RXFP1: variants seen among roughly 807,000 people sequenced by gnomAD.
The protein encoded by RXFP1 is relaxin family peptide receptor 1, also known as relaxin receptor 1.
Under a neutral mutation model 89.8 loss-of-function variants are expected in RXFP1, and 73 were observed. That is an observed-to-expected ratio of 0.81 (90% CI 0.67 to 0.99). The LOEUF (loss-of-function observed/expected upper bound fraction) is 0.99, where lower values mean the gene tolerates loss of function less well. RXFP1 is among the 50% of genes least tolerant of loss of function. The probability of loss-of-function intolerance (pLI) is 0.00; values close to 1 mark genes in which losing one functional copy is unlikely to be tolerated. For missense variants in RXFP1, 793 were observed against 895.5 expected (o/e 0.89, Z 1.46); for synonymous variants, 277 against 305.5 (o/e 0.91, Z 0.97).
chr4:158,571,267 TC>T (rs1755002844), intron 1 of RXFP1, among the ~76,000 whole-genome samples: 1 of 152,178 alleles, frequency 6.6e-6, no homozygotes, highest in African/African-American at 2.4e-5. Flanking sequence ...TTAGCAACTA[TC>T]CAATATAGAA....
chr4:158,568,375 A>G (rs750502175), intron 1 of RXFP1, among the ~76,000 whole-genome samples: 38 of 152,260 alleles, frequency 2.5e-4, no homozygotes, highest in Non-Finnish European at 4.3e-4. Flanking sequence ...AGTTATGTGG[A>G]GAAGAATATT....
chr4:158,562,510 C>T (rs535090553), intron 1 of RXFP1, among the ~76,000 whole-genome samples: 4 of 88,944 alleles, frequency 4.5e-5, no homozygotes, highest in Admixed American at 3.5e-4. Flanking sequence ...GGCGACAGAG[C>T]GAGACTCCGT....
At chr4:158,626,405 T>C (rs770102128) in intron 9 of RXFP1, among the ~76,000 whole-genome samples, 1 of 152,150 alleles carries the variant, frequency 6.6e-6, no homozygotes, top group Non-Finnish European at 1.5e-5. Context: ...TAATAGAATC[T>C]GATGCAGACT....
At chr4:158,572,912 A>G (rs1755401761) in intron 2 of RXFP1, 77 bp downstream of exon 2, 12 of 1,556,342 alleles carry the variant, frequency 7.7e-6, no homozygotes, top group African/African-American at 1.4e-5. Flanking sequence ...GACTTCTCTC[A>G]ACAAAAAGAC....
At chr4:158,602,094 T>C (rs1264179734) in intron 4 of RXFP1, among the ~76,000 whole-genome samples, 5 of 152,226 alleles carry the variant, frequency 3.3e-5, no homozygotes, top group Non-Finnish European at 5.9e-5. Flanking sequence ...CTGTCAAATT[T>C]TAAAATATAA....
chr4:158,570,533 T>C (rs1466821119), intron 1 of RXFP1, among the ~76,000 whole-genome samples: 1 of 152,062 alleles, frequency 6.6e-6, no homozygotes, highest in Non-Finnish European at 1.5e-5. Flanking sequence ...CCATTTCCAT[T>C]CTACCCCTAA....
intron 9 of RXFP1, among the ~76,000 whole-genome samples, chr4:158,618,219 A>G (rs575834127): frequency 6.6e-6 from 1 of 152,240 alleles, no homozygotes; most frequent in East Asian, 1.9e-4. Flanking sequence ...ATACATTAGC[A>G]TCTATTACAG....
intron 2 of RXFP1, among the ~76,000 whole-genome samples, chr4:158,577,037 T>G (rs906051369): frequency 3.3e-5 from 5 of 150,040 alleles, no homozygotes; most frequent in Non-Finnish European, 5.9e-5. Flanking sequence ...CTTCTTCTTC[T>G]TCTTTCTTCT....
chr4:158,569,101 C>T (rs1280286636), intron 1 of RXFP1, among the ~76,000 whole-genome samples: 1 of 152,186 alleles, frequency 6.6e-6, no homozygotes, highest in Non-Finnish European at 1.5e-5. Context: ...AAAACCTGCA[C>T]ACAGGTGTTT....
At chr4:158,612,701 C>A (rs1164337922) in intron 8 of RXFP1, among the ~76,000 whole-genome samples, 2 of 151,820 alleles carry the variant, frequency 1.3e-5, no homozygotes, top group Non-Finnish European at 2.9e-5. Context: ...ACCCCCGCCT[C>A]CTGGGTTCAA....
chr4:158,573,741 G>C (rs1242357393), intron 2 of RXFP1, among the ~76,000 whole-genome samples: 1 of 152,136 alleles, frequency 6.6e-6, no homozygotes, highest in Non-Finnish European at 1.5e-5. Context: ...GTAAGCTTGA[G>C]AACATTTCCT....
At chr4:158,586,426 A>T (rs1758317416) in intron 2 of RXFP1, among the ~76,000 whole-genome samples, 1 of 152,170 alleles carries the variant, frequency 6.6e-6, no homozygotes. Flanking sequence ...ATATACTGGA[A>T]ACCATATCCC....
chr4:158,544,483 T>C (rs1029448029), intron 1 of RXFP1: 24 of 437,552 alleles, frequency 5.5e-5, no homozygotes, highest in Non-Finnish European at 7.0e-5. Context: ...AGTTTTAGGG[T>C]ACATGTGCAC....
At chr4:158,541,798 T>C (rs1002982390) in intron 1 of RXFP1, among the ~76,000 whole-genome samples, 4 of 152,046 alleles carry the variant, frequency 2.6e-5, no homozygotes, top group Non-Finnish European at 4.4e-5. Context: ...CCCCATACAA[T>C]TACTAAATAC....
chr4:158,562,926 T>G (rs953293812), intron 1 of RXFP1, among the ~76,000 whole-genome samples: 1 of 152,120 alleles, frequency 6.6e-6, no homozygotes, highest in Non-Finnish European at 1.5e-5. Flanking sequence ...CTAATATTCC[T>G]AAGTAGGGGA....
intron 14 of RXFP1, among the ~76,000 whole-genome samples, chr4:158,644,587 C>A (rs767080430): frequency 6.6e-5 from 10 of 152,156 alleles, no homozygotes; most frequent in Non-Finnish European, 1.5e-4. Context: ...CGTATACTAA[C>A]CATTGCGAGT....
intron 11 of RXFP1, among the ~76,000 whole-genome samples, chr4:158,629,331 T>C (rs1447332315): frequency 1.3e-5 from 2 of 152,180 alleles, no homozygotes; most frequent in Non-Finnish European, 1.5e-5. Context: ...AAGATACCAC[T>C]TTGCTGATTT....
In RXFP1 at chr4:158,617,209, A is replaced by T. The variant is rs1764752308; in HGVS notation, c.755+4A>T. Reference sequence around the variant, plus strand: ...ACATGCCAAGACTACATTGGCTGTAAGCGATTCTGTCTTTTTTTAAAGAAC... The same window carrying T: ...ACATGCCAAGACTACATTGGCTGTATGCGATTCTGTCTTTTTTTAAAGAAC... On this transcript the variant is annotated splice_donor_region_variant and intron_variant, in intron 9 of 17. Coordinates refer to ENST00000307765, the MANE Select transcript of RXFP1 (RefSeq NM_021634.4). The T allele has an allele frequency of 6.3e-7, 1 of 1,595,316 alleles. No homozygotes were observed. The highest frequency in any genetic ancestry group is 1.3e-5 in the African/African-American group (1 of 74,094).
At chr4:158,624,594 TA>T (rs1195491936) in intron 9 of RXFP1, among the ~76,000 whole-genome samples, 2 of 151,952 alleles carry the variant, frequency 1.3e-5, no homozygotes, top group African/African-American at 4.8e-5. Context: ...GAAATAAAAA[TA>T]AAAAAACCTT....
Sources: allele counts gnomAD v4.1 joint callset (sites outside exome capture counted in the v4.1 genomes callset), GRCh38; gene constraint gnomAD v4.1.1; transcripts MANE v1.5; gene names NCBI Gene and HGNC (gene_info 2026-07-23, HGNC 2026-07-21).